The following CDKAL1 variants were observed in gnomAD, a reference collection of about 807,000 sequenced individuals.
The protein encoded by CDKAL1 is CDKAL1 threonylcarbamoyladenosine tRNA methylthiotransferase.
In CDKAL1, 32 loss-of-function variants were observed where a neutral mutation model predicts 68.2. The observed-to-expected ratio is 0.47, with a 90% CI of 0.35 to 0.63. CDKAL1 has a LOEUF of 0.63. Ranked by LOEUF, CDKAL1 falls within the 30% of genes least tolerant of loss-of-function variation. CDKAL1 has a pLI of 0.00. For missense variants in CDKAL1, 606 were observed against 696.7 expected (o/e 0.87, Z 1.47); for synonymous variants, 234 against 244.3 (o/e 0.96, Z 0.39).
intron 4 of CDKAL1, among the ~76,000 whole-genome samples, chr6:20,550,561 T>A (rs1190743126): frequency 6.6e-6 from 1 of 152,106 alleles, no homozygotes; most frequent in African/African-American, 2.4e-5. Context: ...ATTAAGAGAA[T>A]GGCATTTAGA....
chr6:20,653,542 C>T (rs1271708111), intron 5 of CDKAL1, among the ~76,000 whole-genome samples: 2 of 152,054 alleles, frequency 1.3e-5, no homozygotes, highest in African/African-American at 4.8e-5. Flanking sequence ...ACCTCTGCCT[C>T]TCGTGTTCAA....
chr6:20,739,251 G>T (rs1436766860), intron 5 of CDKAL1, among the ~76,000 whole-genome samples: 3 of 151,462 alleles, frequency 2.0e-5, no homozygotes, highest in African/African-American at 7.2e-5. Context: ...TGGGAATAAA[G>T]TAAAAAATAA....
At chr6:20,902,298 T>A (rs1253912758) in intron 9 of CDKAL1, among the ~76,000 whole-genome samples, 1 of 145,980 alleles carries the variant, frequency 6.9e-6, no homozygotes, top group Admixed American at 7.1e-5. Flanking sequence ...CTTAAAGAAA[T>A]CACGTGGTGG....
intron 5 of CDKAL1, among the ~76,000 whole-genome samples, chr6:20,714,589 A>T (rs1002461026): frequency 7.3e-5 from 11 of 151,586 alleles, no homozygotes; most frequent in Non-Finnish European, 1.6e-4. Flanking sequence ...TGGGTCTTCC[A>T]ATGTTGTCCA....
At chr6:20,683,184 A>G (rs1454852003) in intron 5 of CDKAL1, among the ~76,000 whole-genome samples, 1 of 151,884 alleles carries the variant, frequency 6.6e-6, no homozygotes, top group Admixed American at 6.6e-5. Flanking sequence ...GTTTAATCCC[A>G]CTGGAGCTTA....
At chr6:20,914,870 A>G (rs1404663984) in intron 9 of CDKAL1, among the ~76,000 whole-genome samples, 1 of 152,198 alleles carries the variant, frequency 6.6e-6, no homozygotes, top group Non-Finnish European at 1.5e-5. Context: ...TATCAGTTGT[A>G]TCACTAAGGT....
intron 4 of CDKAL1, among the ~76,000 whole-genome samples, chr6:20,645,412 ATTGT>A (rs763641598): frequency 6.6e-6 from 1 of 152,070 alleles, no homozygotes; most frequent in African/African-American, 2.4e-5. Flanking sequence ...ATATTTCCTT[ATTGT>A]TTAAGTGTTT....
chr6:20,912,288 G>C (rs1389889975), intron 9 of CDKAL1, among the ~76,000 whole-genome samples: 5 of 152,084 alleles, frequency 3.3e-5, no homozygotes, highest in Non-Finnish European at 7.3e-5. Context: ...AGTTAAACTT[G>C]ACTTTGCTGC....
intron 4 of CDKAL1, among the ~76,000 whole-genome samples, chr6:20,563,911 C>G (rs781093361): frequency 6.6e-6 from 1 of 152,108 alleles, no homozygotes; most frequent in African/African-American, 2.4e-5. Flanking sequence ...GGCTCATTAT[C>G]TAAGCTTAAT....
At chr6:21,011,698 T>C (rs2150841390) in intron 11 of CDKAL1, among the ~76,000 whole-genome samples, 1 of 152,328 alleles carries the variant, frequency 6.6e-6, no homozygotes, top group East Asian at 1.9e-4. Flanking sequence ...AAATGTTTAC[T>C]ATAGGCTTTT....
intron 13 of CDKAL1, among the ~76,000 whole-genome samples, chr6:21,121,559 C>T (rs779564065): frequency 2.0e-5 from 3 of 152,150 alleles, no homozygotes; most frequent in Non-Finnish European, 4.4e-5. Flanking sequence ...AGAAGTTTGT[C>T]ATAGGGATTA....
In CDKAL1 at chr6:21,104,337, G is replaced by C. The variant is rs9358390; in HGVS notation, c.1237-4064G>C. Among the ~76,000 whole-genome samples, 52 of 152,272 alleles carry C rather than the reference G, an allele frequency of 3.4e-4. 1 individual carries two copies. In the East Asian group the frequency reaches 7.9e-3, roughly 23 times the overall value. Reference sequence around the variant, plus strand: ...CTTGGAACTGTCCATTGAGCAAATAGAAGGAGCCAGGAATTTTGCAGGATA... The same window carrying C: ...CTTGGAACTGTCCATTGAGCAAATACAAGGAGCCAGGAATTTTGCAGGATA... On this transcript the variant is annotated intron_variant, in intron 12 of 15. Transcript: ENST00000274695.
intron 13 of CDKAL1, among the ~76,000 whole-genome samples, chr6:21,152,843 A>G (rs920772279): frequency 6.6e-6 from 1 of 152,226 alleles, no homozygotes; most frequent in African/African-American, 2.4e-5. Context: ...GCCATGTACT[A>G]CGCAGATCCA....
At chr6:20,683,274 T>A (rs1192702687) in intron 5 of CDKAL1, among the ~76,000 whole-genome samples, 1 of 152,238 alleles carries the variant, frequency 6.6e-6, no homozygotes, top group Non-Finnish European at 1.5e-5. Context: ...TTTTAAAACC[T>A]GGGTCATTCC....
At chr6:20,839,574 C>G (rs1778092593) in intron 8 of CDKAL1, among the ~76,000 whole-genome samples, 1 of 152,046 alleles carries the variant, frequency 6.6e-6, no homozygotes, top group Non-Finnish European at 1.5e-5. Context: ...TCTCTTGTTG[C>G]ATAGTCTGCT....
At position 20,758,599 on chromosome 6, in the gene CDKAL1, A is replaced by G. The variant is rs772208436; in HGVS notation, c.473A>G (p.Gln158Arg). Reference sequence around the variant, plus strand: ...ATCGTTTTTTTTTTTTTCCAGGTTCAGCAGATAGATCGTGTGGTAGAAGTT... The same window carrying G: ...ATCGTTTTTTTTTTTTTCCAGGTTCGGCAGATAGATCGTGTGGTAGAAGTT... Reference protein sequence around the residue: ...YLKGLSIIGVQQIDRVVEVVE... With the variant: ...YLKGLSIIGVRQIDRVVEVVE... The change falls in exon 7 of 16, where the codon CAG (glutamine) becomes CGG (arginine). Residue 158 changes from glutamine to arginine, a missense_variant. Physicochemically the swap from Gln to Arg is conservative, Grantham distance 43. Coordinates refer to ENST00000274695, the MANE Select transcript of CDKAL1 (RefSeq NM_017774.3). 7.5e-6 allele frequency: 12 copies of G among 1,601,862 alleles called. No homozygotes were observed. Among genetic ancestry groups the G allele is most frequent in the Non-Finnish European group, 9.4e-6 (11 of 1,176,072 alleles).
At position 21,228,944 on chromosome 6, in the gene CDKAL1, C is replaced by T. The variant is rs144657623; in HGVS notation, c.1549-1904C>T. Among the ~76,000 whole-genome samples, 74 of 152,296 alleles carry T rather than the reference C, an allele frequency of 4.9e-4. No individual in the cohort carries two copies. In the East Asian group the frequency reaches 0.014, roughly 28 times the overall value. On this transcript the variant is annotated intron_variant, in intron 15 of 15. Transcript: ENST00000274695. ...GGGATGGGGACAGGTCTTCGTGCAC[C>T]ACTGAGCTCCAGCTCTTGCCTCCCC... is the stretch of plus-strand genomic sequence containing the variant.
At chr6:20,969,677 G>C (rs1765494547) in intron 10 of CDKAL1, among the ~76,000 whole-genome samples, 1 of 152,134 alleles carries the variant, frequency 6.6e-6, no homozygotes, top group African/African-American at 2.4e-5. Context: ...AGTTTTTGCA[G>C]GGAGGCCTGA....
intron 8 of CDKAL1, among the ~76,000 whole-genome samples, chr6:20,793,021 G>A (rs1469774035): frequency 6.6e-6 from 1 of 152,066 alleles, no homozygotes; most frequent in African/African-American, 2.4e-5. Context: ...CAATAATGGT[G>A]TACAACATGT....
Sources: allele counts gnomAD v4.1 joint callset (sites outside exome capture counted in the v4.1 genomes callset), GRCh38; gene constraint gnomAD v4.1.1; transcripts MANE v1.5; gene names NCBI Gene and HGNC (gene_info 2026-07-23, HGNC 2026-07-21).